Variants in CACNA1C observed in about 807,000 individuals in gnomAD.
CACNA1C encodes the protein voltage-dependent L-type calcium channel subunit alpha-1C.
Under a neutral mutation model 229.0 loss-of-function variants are expected in CACNA1C, and 30 were observed. The observed-to-expected ratio is 0.13, with a 90% CI of 0.10 to 0.18. The LOEUF is 0.18. Ranked by LOEUF, CACNA1C falls within the 10% of genes least tolerant of loss-of-function variation. The pLI is 1.00. For synonymous variants in CACNA1C, 1,114 were observed against 1,132.5 expected, an observed-to-expected ratio of 0.98 and a Z score of 0.33; for missense variants, 1,658 against 2,845.0, an observed-to-expected ratio of 0.58 and a Z score of 9.49.
At chr12:2,614,919 T>C (rs528214808) in intron 29 of CACNA1C, 1 of 150,888 alleles carries the variant, frequency 6.6e-6, no homozygotes, top group East Asian at 1.9e-4. Context: ...TTTACTCAAG[T>C]AAGTCCCTGC....
Position 2,053,617 on chromosome 12 carries a change from G to A in CACNA1C, c.49+6G>A. ...TCCAGAGGAAAACCACCAAGGTAAGGCTGGACCCCGCCGCCTCGCCGGGGC... is the reference window on the plus strand; with the variant it reads ...TCCAGAGGAAAACCACCAAGGTAAGACTGGACCCCGCCGCCTCGCCGGGGC... On this transcript the variant is annotated splice_donor_region_variant and intron_variant, in intron 1 of 46. Coordinates refer to ENST00000399655, the MANE Select transcript of CACNA1C (RefSeq NM_000719.7). This position sits in a 1 kb window ranked among gnomAD's most constrained non-coding sequence, Gnocchi z 5.8. The A allele has an allele frequency of 6.3e-7, 1 of 1,587,334 alleles. No individual in the cohort carries two copies.
At chr12:2,320,878 G>A (rs999784527) in intron 3 of CACNA1C, among the ~76,000 whole-genome samples, 7 of 152,158 alleles carry the variant, frequency 4.6e-5, no homozygotes, top group African/African-American at 1.7e-4. Flanking sequence ...CTCATTCCCT[G>A]CACCTATGGC....
intron 3 of CACNA1C, among the ~76,000 whole-genome samples, chr12:2,197,556 T>C (rs1284023860): frequency 6.6e-6 from 1 of 152,240 alleles, no homozygotes; most frequent in African/African-American, 2.4e-5. Flanking sequence ...ATTTTACTTA[T>C]TAGTGTTCAT....
rs748347707 is a variant in CACNA1C at position 2,479,999 on chromosome 12, C to T, written c.758-6105C>T. 6.6e-6 allele frequency among the ~76,000 whole-genome samples: 1 copy of T among 152,204 alleles called. No homozygotes were observed. Among genetic ancestry groups the T allele is most frequent in the Admixed American group, 6.5e-5 (1 of 15,280 alleles). On this transcript the variant is annotated intron_variant, in intron 5 of 46. Transcript: ENST00000399655. The surrounding 1 kb of genome is among the most constrained non-coding windows in gnomAD (Gnocchi z 4.3). Reference sequence around the variant, plus strand: ...CTGTCCTTCCCCTGCCCCTCTGTGGCACCAGATGGGGATTATTTCCTCCAC... The same window carrying T: ...CTGTCCTTCCCCTGCCCCTCTGTGGTACCAGATGGGGATTATTTCCTCCAC...
intron 1 of CACNA1C, among the ~76,000 whole-genome samples, chr12:1,973,735 A>C (rs1382762248): frequency 6.6e-6 from 1 of 152,200 alleles, no homozygotes; most frequent in African/African-American, 2.4e-5. Context: ...AAACTTTTAA[A>C]AATTAGGAAG....
At chr12:2,556,644 A>G (rs762547437) in intron 10 of CACNA1C, among the ~76,000 whole-genome samples, 1 of 152,104 alleles carries the variant, frequency 6.6e-6, no homozygotes, top group Non-Finnish European at 1.5e-5. Flanking sequence ...AGCTTGTCTC[A>G]AGATACAGCT....
Position 2,686,167 on chromosome 12 carries a change from T to G in CACNA1C, c.5682T>G (p.Gly1894=). ...KRGFLRSASL[G]RRASFHLECL... ...GTGGCTCTCTGGCTGGCTTTGCAGG[T>G]CGAAGGGCCTCCTTCCACCTGGAAT... Residue 1894 remains glycine (G), a splice_region_variant and synonymous_variant, in exon 45 of 47, where the codon GGT becomes GGG. Transcript: ENST00000399655. 1 of 1,613,666 alleles carries G rather than the reference T, an allele frequency of 6.2e-7. No homozygotes were observed. Among genetic ancestry groups the G allele is most frequent in the Non-Finnish European group, 8.5e-7 (1 of 1,179,600 alleles).
intron 3 of CACNA1C, among the ~76,000 whole-genome samples, chr12:2,437,836 A>G (rs200834530): frequency 3.7e-4 from 46 of 124,706 alleles, no homozygotes; most frequent in Non-Finnish European, 5.1e-4. Flanking sequence ...TGGTGGTGGT[A>G]ATGATGGTGG....
At chr12:2,137,989 C>G (rs904750432) in intron 3 of CACNA1C, among the ~76,000 whole-genome samples, 1 of 151,592 alleles carries the variant, frequency 6.6e-6, no homozygotes, top group African/African-American at 2.4e-5. Context: ...TGTTTTCTCA[C>G]TGGGTCTAGC....
intron 11 of CACNA1C, among the ~76,000 whole-genome samples, chr12:2,563,798 C>T (rs1057101151): frequency 6.6e-6 from 1 of 152,258 alleles, no homozygotes; most frequent in Non-Finnish European, 1.5e-5. Context: ...GGAGGGGCTT[C>T]TGCCCTGGAA....
chr12:2,241,044 G>A (rs2069842998), intron 3 of CACNA1C, among the ~76,000 whole-genome samples: 1 of 152,168 alleles, frequency 6.6e-6, no homozygotes, highest in Non-Finnish European at 1.5e-5. Flanking sequence ...TAATGCCAGA[G>A]TGAGCCAAGG....
intron 1 of CACNA1C, chr12:2,004,367 T>C: frequency 1.2e-6 from 2 of 1,613,132 alleles, no homozygotes; most frequent in Admixed American, 1.7e-5. Context: ...GTCGTGGCGC[T>C]GCAGGGCCGC....
At chr12:2,341,277 G>A (rs1158025026) in intron 3 of CACNA1C, among the ~76,000 whole-genome samples, 2 of 152,218 alleles carry the variant, frequency 1.3e-5, no homozygotes, top group African/African-American at 4.8e-5. Flanking sequence ...CTGGGATAGC[G>A]TGAGGATTAG....
rs367622125 is a variant in CACNA1C, at chr12:2,429,711, G to T, written c.478-19265G>T. Among the ~76,000 whole-genome samples the T allele has an allele frequency of 7.2e-4, 110 of 152,298 alleles. 2 individuals are homozygous for T. In the South Asian group the frequency reaches 0.022, roughly 31 times the overall value. ...AGTTAAGTTCAGAAATTTGCAAGGG[G>T]TGCTTGGAGCTATTTGATAGATACC... On this transcript the variant is annotated intron_variant, in intron 3 of 46. Coordinates refer to ENST00000399655, the MANE Select transcript of CACNA1C (RefSeq NM_000719.7).
At chr12:2,600,352 G>C (rs1435515626) in intron 21 of CACNA1C, among the ~76,000 whole-genome samples, 1 of 152,198 alleles carries the variant, frequency 6.6e-6, no homozygotes, top group African/African-American at 2.4e-5. Context: ...CCTGCTGCAA[G>C]AGATAAATGG....
intron 3 of CACNA1C, among the ~76,000 whole-genome samples, chr12:2,141,858 T>A (rs2154193695): frequency 6.6e-6 from 1 of 151,388 alleles, no homozygotes; most frequent in South Asian, 2.1e-4. Context: ...CTTTCCTTTA[T>A]GGCAGCTGGG....
At chr12:2,642,372 T>G (rs567658478) in intron 30 of CACNA1C, among the ~76,000 whole-genome samples, 8 of 152,202 alleles carry the variant, frequency 5.3e-5, no homozygotes, top group Non-Finnish European at 1.2e-4. Flanking sequence ...CACCTTTTGT[T>G]GTGGCCAGAC....
chr12:2,159,666 A>T (rs1046763527), intron 3 of CACNA1C, among the ~76,000 whole-genome samples: 2 of 146,488 alleles, frequency 1.4e-5, no homozygotes, highest in Non-Finnish European at 3.0e-5. Flanking sequence ...GTGCAACGGC[A>T]TAATCTCGGC....
chr12:2,141,695 C>T (rs1022354008), intron 3 of CACNA1C, among the ~76,000 whole-genome samples: 4 of 151,416 alleles, frequency 2.6e-5, no homozygotes, highest in Non-Finnish European at 5.9e-5. Flanking sequence ...CAGCAGGCCA[C>T]TCCTTAGCGC....
Sources: gnomAD v4.1 joint callset for allele counts (sites outside exome capture counted in the v4.1 genomes callset) on GRCh38, gnomAD v4.1.1 for gene constraint, Gnocchi (gnomAD v3.1) non-coding constraint, MANE v1.5 for transcripts, NCBI Gene and HGNC (gene_info 2026-07-23, HGNC 2026-07-21) for gene names.